Variants in TMEM232 observed in about 807,000 individuals in gnomAD.
The protein encoded by TMEM232 is transmembrane protein 232.
In TMEM232, 80 loss-of-function variants were observed where a neutral mutation model predicts 78.8. The ratio of observed to expected loss-of-function variants is 1.01; its 90% confidence interval spans 0.85 to 1.22. TMEM232 has a LOEUF of 1.22. Ranked by LOEUF, TMEM232 falls within the 50% of genes most tolerant of loss-of-function variation. TMEM232 has a pLI of 0.00. For missense variants in TMEM232, 881 were observed against 742.2 expected, an observed-to-expected ratio of 1.19 and a Z score of -2.17; for synonymous variants, 297 against 254.3, an observed-to-expected ratio of 1.17 and a Z score of -1.60.
chr5:110,547,013 G>C (rs1375133179), intron 11 of TMEM232, among the ~76,000 whole-genome samples: 3 of 151,758 alleles, frequency 2.0e-5, no homozygotes, highest in Non-Finnish European at 2.9e-5. Context: ...TTATGCTCAA[G>C]TTTTACTTGT....
At chr5:110,595,366 T>A (rs1780036003) in intron 10 of TMEM232, among the ~76,000 whole-genome samples, 1 of 152,132 alleles carries the variant, frequency 6.6e-6, no homozygotes, top group Non-Finnish European at 1.5e-5. Context: ...ATGCCTTTTC[T>A]CCTCCAAATG....
chr5:110,626,027 A>G (rs891788610), intron 6 of TMEM232, among the ~76,000 whole-genome samples: 2 of 151,996 alleles, frequency 1.3e-5, no homozygotes, highest in African/African-American at 2.4e-5. Flanking sequence ...AAAATTAATA[A>G]TGACCATTCT....
downstream of TMEM232, among the ~76,000 whole-genome samples, chr5:110,416,724 A>C (rs779646500): frequency 3.9e-5 from 6 of 152,198 alleles, no homozygotes; most frequent in Non-Finnish European, 7.4e-5. Flanking sequence ...TCAATTACTT[A>C]AATTATAATT....
chr5:110,693,250 G>A (rs1027224617), intron 1 of TMEM232, among the ~76,000 whole-genome samples: 2 of 152,210 alleles, frequency 1.3e-5, no homozygotes, highest in African/African-American at 2.4e-5. Flanking sequence ...GGTACTGACT[G>A]TTAGAAGGAA....
At chr5:110,676,065 C>G (rs971605678) in intron 1 of TMEM232, among the ~76,000 whole-genome samples, 6 of 152,178 alleles carry the variant, frequency 3.9e-5, no homozygotes, top group African/African-American at 1.4e-4. Context: ...ACAGTGTCCT[C>G]CAAGTTCATC....
intron 12 of TMEM232, among the ~76,000 whole-genome samples, chr5:110,528,212 T>A (rs1447277886): frequency 1.3e-5 from 2 of 151,966 alleles, no homozygotes; most frequent in African/African-American, 2.4e-5. Context: ...AGTCTTACTA[T>A]GTTCAAGACT....
rs1458258621 is a variant in TMEM232 at position 110,655,873 on chromosome 5, A to T, written c.125+11355T>A. ...TGGAACAATGAGAACACATGGACAC[A>T]GGAAGGGGAACATCACACTCTGGGG... On this transcript the variant is annotated intron_variant, in intron 2 of 13. Transcript: ENST00000455884. 5.3e-5 allele frequency among the ~76,000 whole-genome samples: 7 copies of T among 131,722 alleles called. No homozygotes were observed. In the Admixed American group the frequency reaches 6.3e-4, roughly 12 times the overall value. 86.4% of individuals were successfully genotyped at this position (131,722 alleles called of 152,430 possible).
chr5:110,467,291 T>A (rs888725008), intron 12 of TMEM232, among the ~76,000 whole-genome samples: 2 of 152,194 alleles, frequency 1.3e-5, no homozygotes, highest in African/African-American at 4.8e-5. Flanking sequence ...CAGTTCTGCC[T>A]GCAGAATATG....
In TMEM232 at chr5:110,606,277, C is replaced by T; in HGVS notation, c.913G>A (p.Val305Ile). 6.6e-7 allele frequency: 1 copy of T among 1,525,942 alleles called. No individual in the cohort carries two copies. The highest frequency in any genetic ancestry group is 8.8e-7 in the Non-Finnish European group (1 of 1,132,344). 94.5% of individuals were successfully genotyped at this position (1,525,942 alleles called of 1,614,324 possible). A position where few individuals can be genotyped will look rare whatever the true frequency, so the allele number is the denominator to read the frequency against. ...TCCCCAAGGACCAGTAAAGCCAGTACTGAATCCAACCTGAAAATTTTATGG... is the reference window on the plus strand; with the variant it reads ...TCCCCAAGGACCAGTAAAGCCAGTATTGAATCCAACCTGAAAATTTTATGG... ...QLQKKCWLDS[V>I]LALLVLGEAA... The change falls in exon 9 of 14, where the codon GTA (valine) becomes ATA (isoleucine). Residue 305 changes from valine (V) to isoleucine (I), a missense_variant. Val to Ile is a conservative substitution (Grantham distance 29). Transcript: ENST00000455884.
chr5:110,631,344 A>G (rs1371219162), intron 5 of TMEM232, among the ~76,000 whole-genome samples: 3 of 152,150 alleles, frequency 2.0e-5, no homozygotes, highest in African/African-American at 7.2e-5. Context: ...TTCTGTGATC[A>G]GGCTTGCAAG....
intron 12 of TMEM232, among the ~76,000 whole-genome samples, chr5:110,427,004 CAAAT>C (rs938657693): frequency 2.6e-5 from 4 of 151,860 alleles, no homozygotes; most frequent in Admixed American, 6.6e-5. Context: ...ATGGGAAAAA[CAAAT>C]GAATATGCTT....
chr5:110,556,719 C>A (rs545878566), intron 11 of TMEM232, among the ~76,000 whole-genome samples: 1 of 152,274 alleles, frequency 6.6e-6, no homozygotes, highest in Non-Finnish European at 1.5e-5. Context: ...CCAATTTCTT[C>A]TGGCTTGTAG....
chr5:110,641,114 C>T, intron 3 of TMEM232, 118 bp from the exon 4 acceptor site: 1 of 583,080 alleles, frequency 1.7e-6, no homozygotes. Flanking sequence ...GCTTGGTGGC[C>T]AGAGTTGTAT....
intron 12 of TMEM232, among the ~76,000 whole-genome samples, chr5:110,528,367 T>C (rs1334055152): frequency 1.3e-5 from 2 of 151,910 alleles, no homozygotes; most frequent in Admixed American, 6.6e-5. Flanking sequence ...ACATTAATAT[T>C]GATTTATATT....
intron 8 of TMEM232, chr5:110,610,450 C>T: frequency 2.8e-6 from 1 of 356,360 alleles, no homozygotes; most frequent in South Asian, 2.2e-5. Flanking sequence ...CCCCTAAGCA[C>T]AGAGAGGCAG....
chr5:110,726,560 A>T (rs1484413997), intron 1 of TMEM232, 67 bp downstream of exon 1: 2 of 152,268 alleles, frequency 1.3e-5, no homozygotes, highest in East Asian at 3.9e-4. Context: ...CAGTTGCCCT[A>T]GGATGGTGAA....
chr5:110,489,320 G>A (rs1165020397), intron 12 of TMEM232, among the ~76,000 whole-genome samples: 1 of 151,900 alleles, frequency 6.6e-6, no homozygotes, highest in African/African-American at 2.4e-5. Context: ...TATACAGCAT[G>A]ACCAAATTGA....
intron 10 of TMEM232, among the ~76,000 whole-genome samples, chr5:110,573,959 T>C (rs1581259825): frequency 1.3e-5 from 2 of 152,120 alleles, no homozygotes; most frequent in East Asian, 3.9e-4. Flanking sequence ...ACACTCTGAA[T>C]GGTCACAGCC....
At chr5:110,392,703 A>C (rs978647068) in intron 3 of TMEM232, among the ~76,000 whole-genome samples, 1 of 152,196 alleles carries the variant, frequency 6.6e-6, no homozygotes, top group African/African-American at 2.4e-5. Context: ...ATATAAACCT[A>C]TCTCCCAAAG....
Sources: gnomAD v4.1 joint callset for allele counts (sites outside exome capture counted in the v4.1 genomes callset) on GRCh38, gnomAD v4.1.1 for gene constraint, MANE v1.5 for transcripts, NCBI Gene and HGNC (gene_info 2026-07-23, HGNC 2026-07-21) for gene names.